The following ANKRD30A variants were observed in gnomAD, a reference collection of about 807,000 sequenced individuals.
ANKRD30A encodes ankyrin repeat domain-containing protein 30A.
ANKRD30A carries 170 observed loss-of-function variants against 166.3 expected under a neutral mutation model. That is an observed-to-expected ratio of 1.02 (90% CI 0.90 to 1.16). ANKRD30A has a LOEUF of 1.16. ANKRD30A is among the 50% of genes most tolerant of loss of function. The pLI is 0.00. For missense variants in ANKRD30A, 1,630 were observed against 1,518.0 expected (o/e 1.07, Z -1.23); for synonymous variants, 564 against 508.9 (o/e 1.11, Z -1.46).
the ANKRD30A span, among the ~76,000 whole-genome samples, chr10:37,261,562 T>C: frequency 6.6e-6 from 1 of 152,222 alleles, no homozygotes; most frequent in Admixed American, 6.5e-5. Context: ...TCTTATTCCT[T>C]ATCAAAAAAC....
intron 19 of ANKRD30A, 93 bp downstream of exon 19, chr10:37,166,788 T>A (rs1056187303): frequency 9.0e-5 from 139 of 1,550,342 alleles, no homozygotes; most frequent in Non-Finnish European, 1.1e-4. Context: ...GAAAATTACC[T>A]CCTAAATGCA....
rs369516847 is a variant in ANKRD30A, at chr10:37,134,091, A to G, written c.755+38A>G. The G allele has an allele frequency of 2.2e-5, 36 of 1,605,178 alleles. No homozygotes were observed. The African/African-American group carries it at 4.6e-4, about 20-fold the overall frequency. ...GTTTAGAGGCTAGGTGAGATTTTATAGTTTGTTTCAGGTAGTTTTTGAATT... is the reference window on the plus strand; with the variant it reads ...GTTTAGAGGCTAGGTGAGATTTTATGGTTTGTTTCAGGTAGTTTTTGAATT... On this transcript the variant is annotated intron_variant, in intron 5 of 35. Coordinates refer to ENST00000361713, the MANE Select transcript of ANKRD30A (RefSeq NM_052997.3).
At chr10:37,133,003 G>GA (rs369817643) in intron 4 of ANKRD30A, among the ~76,000 whole-genome samples, 118 of 138,654 alleles carry the variant, frequency 8.5e-4, no homozygotes, top group Middle Eastern at 3.7e-3. Context: ...CTGTCTCAAA[G>GA]AAAAAAAAAA....
chr10:37,243,487 G>A, the ANKRD30A span, among the ~76,000 whole-genome samples: 1 of 151,874 alleles, frequency 6.6e-6, no homozygotes, highest in African/African-American at 2.4e-5. Flanking sequence ...GCTAACAAGA[G>A]CACCCATGCA....
intron 31 of ANKRD30A, among the ~76,000 whole-genome samples, chr10:37,204,924 G>A (rs1055224476): frequency 1.3e-5 from 2 of 152,120 alleles, no homozygotes; most frequent in Non-Finnish European, 2.9e-5. Context: ...AGTTAGAATG[G>A]CGATCATTAA....
At chr10:37,128,819 C>CA (rs151027181) in intron 1 of ANKRD30A, among the ~76,000 whole-genome samples, 4 of 151,246 alleles carry the variant, frequency 2.6e-5, no homozygotes, top group African/African-American at 7.3e-5. Flanking sequence ...TCTCATCTTT[C>CA]AAAAAAAAGC....
intron 31 of ANKRD30A, among the ~76,000 whole-genome samples, chr10:37,203,089 G>T (rs1383991442): frequency 6.6e-6 from 1 of 152,010 alleles, no homozygotes; most frequent in Admixed American, 6.6e-5. Flanking sequence ...CTTCTGAAAT[G>T]ATTCCAATCA....
chr10:37,213,040 T>C (rs1842418934), intron 31 of ANKRD30A, among the ~76,000 whole-genome samples: 1 of 151,964 alleles, frequency 6.6e-6, no homozygotes, highest in African/African-American at 2.4e-5. Context: ...AAGAGCTAGT[T>C]TGGCTAGATA....
the ANKRD30A span, among the ~76,000 whole-genome samples, chr10:37,251,513 CA>C: frequency 6.6e-6 from 1 of 152,136 alleles, no homozygotes; most frequent in African/African-American, 2.4e-5. Context: ...TGCCTGACCA[CA>C]CCCTGAGCCC....
At chr10:37,245,952 A>T in the ANKRD30A span, among the ~76,000 whole-genome samples, 1 of 152,160 alleles carries the variant, frequency 6.6e-6, no homozygotes, top group Non-Finnish European at 1.5e-5. Flanking sequence ...TGCTTGCTTC[A>T]TCAAGTCAGC....
chr10:37,261,408 G>C, the ANKRD30A span, among the ~76,000 whole-genome samples: 1 of 151,988 alleles, frequency 6.6e-6, no homozygotes, highest in Non-Finnish European at 1.5e-5. Context: ...TCAGAACTCA[G>C]CCATTATAAA....
chr10:37,226,954 G>C (rs1026663356), intron 34 of ANKRD30A, among the ~76,000 whole-genome samples: 1 of 151,812 alleles, frequency 6.6e-6, no homozygotes, highest in African/African-American at 2.4e-5. Context: ...TCTTAGCCAT[G>C]TGTATATCTT....
chr10:37,262,662 A>G, the ANKRD30A span: 1 of 153,506 alleles, frequency 6.5e-6, no homozygotes, highest in East Asian at 1.9e-4. Context: ...TGTTATGTAA[A>G]AATTGTGGAT....
rs1433465242 is a variant in ANKRD30A at position 37,219,992 on chromosome 10, T to A, written c.4185+95T>A. The A allele has an allele frequency of 6.4e-4, 4 of 6,270 alleles. No homozygotes were observed. In the South Asian group the frequency reaches 0.094, roughly 147 times the overall value. The allele number at this position is 6,270 out of a possible 1,614,324, so 0.4% of individuals were successfully genotyped here. ...GCTAAATGCTGAATCTAGTTGAATA[T>A]ATATATATATATATATATATATATA... On this transcript the variant is annotated intron_variant, in intron 34 of 35. Coordinates refer to ENST00000361713, the MANE Select transcript of ANKRD30A (RefSeq NM_052997.3).
rs1411386447 is a variant in ANKRD30A, at chr10:37,183,517, G to T, written c.2422-5950G>T. Among the ~76,000 whole-genome samples the T allele has an allele frequency of 1.2e-3, 178 of 146,836 alleles. 11 individuals carry two copies. Among genetic ancestry groups the T allele is most frequent in the African/African-American group, 4.3e-3 (175 of 40,336 alleles). ...TTTCTCTCTTTTTCTTTTTTAAAAA[G>T]ATATAAATCAAACAAAATCAAAATT... On this transcript the variant is annotated intron_variant, in intron 24 of 35. Coordinates refer to ENST00000361713, the MANE Select transcript of ANKRD30A (RefSeq NM_052997.3).
chr10:37,197,444 G>A lies in ANKRD30A; in HGVS notation c.2680G>A (p.Ala894Thr), dbSNP rs372000133. ...AATGCAAAAGTCTGTTCCAAATAAA[G>A]CCTTGGAATTGAAGAATGAACAAAC... ...IEMQKSVPNK[A>T]LELKNEQTLR... Residue 894 changes from alanine to threonine, a missense_variant, in exon 29 of 36, where the codon GCC (alanine) becomes ACC (threonine). Physicochemically the swap from Ala to Thr is moderately conservative, Grantham distance 58. Around this residue, in one of 4 missense-constraint regions of ANKRD30A, gnomAD observed 712 missense variants for 629.3 expected, o/e 1.13. Transcript: ENST00000361713. 7.2e-5 allele frequency: 116 copies of A among 1,612,482 alleles called. No individual in the cohort carries two copies. In the African/African-American group the frequency reaches 1.5e-3, roughly 21 times the overall value.
chr10:37,154,452 A>G (rs1270656588), intron 13 of ANKRD30A, among the ~76,000 whole-genome samples: 1 of 152,300 alleles, frequency 6.6e-6, no homozygotes, highest in East Asian at 1.9e-4. Context: ...AAAATGTGGA[A>G]GAACAATTGG....
intron 9 of ANKRD30A, among the ~76,000 whole-genome samples, chr10:37,148,753 T>A (rs2132549970): frequency 6.6e-6 from 1 of 152,168 alleles, no homozygotes; most frequent in East Asian, 1.9e-4. Flanking sequence ...GCTATTCAAG[T>A]GAGATATATT....
chr10:37,250,641 C>G, the ANKRD30A span, among the ~76,000 whole-genome samples: 1 of 152,038 alleles, frequency 6.6e-6, no homozygotes, highest in Non-Finnish European at 1.5e-5. Context: ...TGAGGGCAAA[C>G]CTCTCACAAA....
Sources: allele counts gnomAD v4.1 joint callset (sites outside exome capture counted in the v4.1 genomes callset), GRCh38; gene constraint gnomAD v4.1.1; regional missense constraint gnomAD v4.1.1; transcripts MANE v1.5; gene names NCBI Gene and HGNC (gene_info 2026-07-23, HGNC 2026-07-21).